MORC1: variants seen among roughly 807,000 people sequenced by gnomAD.
The protein encoded by MORC1 is MORC family CW-type zinc finger protein 1.
MORC1 carries 59 observed loss-of-function variants against 134.9 expected under a neutral mutation model. The observed-to-expected ratio is 0.44, with a 90% CI of 0.35 to 0.54. The LOEUF is 0.54. Ranked by LOEUF, MORC1 falls within the 20% of genes least tolerant of loss-of-function variation. The pLI is 0.00. For synonymous variants in MORC1, 395 were observed against 391.7 expected (o/e 1.01, Z -0.10); for missense variants, 947 against 1,134.5 (o/e 0.83, Z 2.37).
intron 20 of MORC1, among the ~76,000 whole-genome samples, chr3:109,003,516 T>C (rs1443969509): frequency 1.3e-5 from 2 of 152,086 alleles, no homozygotes; most frequent in Non-Finnish European, 2.9e-5. Context: ...ATGGACTGTA[T>C]GTTTTTAGAG....
chr3:109,037,568 T>C (rs1167450032), intron 14 of MORC1, among the ~76,000 whole-genome samples: 1 of 152,206 alleles, frequency 6.6e-6, no homozygotes, highest in African/African-American at 2.4e-5. Flanking sequence ...ATTAGGTATT[T>C]CTCCTAATAC....
intron 20 of MORC1, among the ~76,000 whole-genome samples, chr3:109,001,539 A>G (rs979161822): frequency 6.6e-6 from 1 of 152,212 alleles, no homozygotes; most frequent in Admixed American, 6.5e-5. Context: ...TGGCTTCTCA[A>G]CAGAATTTAG....
chr3:108,990,664 T>G (rs1948025899), intron 21 of MORC1, among the ~76,000 whole-genome samples: 1 of 152,104 alleles, frequency 6.6e-6, no homozygotes, highest in African/African-American at 2.4e-5. Context: ...ATCCCCCAAC[T>G]AGAATGGAAG....
chr3:109,033,797 T>C (rs1357887915), intron 15 of MORC1, among the ~76,000 whole-genome samples: 1 of 152,200 alleles, frequency 6.6e-6, no homozygotes, highest in African/African-American at 2.4e-5. Context: ...ACACTATCCT[T>C]AGCACTTAGT....
intron 11 of MORC1, among the ~76,000 whole-genome samples, chr3:109,060,549 G>A (rs2107682330): frequency 6.6e-6 from 1 of 152,006 alleles, no homozygotes; most frequent in South Asian, 2.1e-4. Context: ...TGAAAGGTGG[G>A]TATGTCTTTT....
At chr3:109,011,518 G>GTTTTTTTT (rs1224840111) in intron 17 of MORC1, among the ~76,000 whole-genome samples, 1 of 146,094 alleles carries the variant, frequency 6.8e-6, no homozygotes, top group African/African-American at 2.6e-5. Context: ...TTTGTGCTTT[G>GTTTTTTTT]TTTTTGTTTT....
intron 14 of MORC1, among the ~76,000 whole-genome samples, chr3:109,044,898 T>C (rs1382653543): frequency 2.1e-5 from 3 of 143,416 alleles, no homozygotes; most frequent in Non-Finnish European, 4.5e-5. Flanking sequence ...TGAGCGGAGA[T>C]CATGCCACTG....
chr3:109,068,564 T>C (rs375206924), intron 9 of MORC1, among the ~76,000 whole-genome samples: 20 of 152,338 alleles, frequency 1.3e-4, no homozygotes, highest in African/African-American at 4.3e-4. Context: ...TGAGTAGCAT[T>C]CCATTGTGTG....
intron 8 of MORC1, among the ~76,000 whole-genome samples, chr3:109,081,453 CTTTTT>C (rs34049870): frequency 4.6e-5 from 5 of 108,156 alleles, no homozygotes; most frequent in Admixed American, 2.0e-4. Flanking sequence ...AAGAATTAAA[CTTTTT>C]TTTTTTTTTT....
chr3:109,062,161 A>C, intron 10 of MORC1, 103 bp from the exon 11 acceptor site: 1 of 996,776 alleles, frequency 1.0e-6, no homozygotes, highest in South Asian at 1.3e-5. Context: ...AAAGGCATAC[A>C]GACCATGATC....
intron 7 of MORC1, 136 bp downstream of exon 7, chr3:109,094,773 A>T: frequency 1.2e-6 from 1 of 813,306 alleles, no homozygotes; most frequent in Non-Finnish European, 1.8e-6. Flanking sequence ...CATATGGATA[A>T]AATAAATGAC....
At chr3:109,067,460 C>T (rs554833400) in intron 9 of MORC1, among the ~76,000 whole-genome samples, 5 of 152,162 alleles carry the variant, frequency 3.3e-5, no homozygotes, top group Admixed American at 6.5e-5. Context: ...GCAATATACT[C>T]GAATGGGAAG....
rs1426903726 is a variant in MORC1 at position 109,093,545 on chromosome 3, G to C, written c.584-4C>G. The C allele has an allele frequency of 6.3e-7, 1 of 1,592,608 alleles. No individual in the cohort carries two copies. Among genetic ancestry groups the C allele is most frequent in the East Asian group, 2.2e-5 (1 of 44,718 alleles). On this transcript the variant is annotated splice_region_variant and splice_polypyrimidine_tract_variant and intron_variant, in intron 7 of 27. Transcript: ENST00000232603. ...TTATAAATAACCAGCAAAGTACCTG[G>C]TAGAAAAATAGATGTTTGACTTGTC...
chr3:108,962,378 G>A (rs1054804787), intron 27 of MORC1, among the ~76,000 whole-genome samples: 2 of 151,962 alleles, frequency 1.3e-5, no homozygotes, highest in Admixed American at 6.6e-5. Context: ...GGACTCCCAC[G>A]TTTAAATGTT....
chr3:108,964,232 C>T (rs1291267703), intron 26 of MORC1, among the ~76,000 whole-genome samples: 1 of 152,178 alleles, frequency 6.6e-6, no homozygotes, highest in Non-Finnish European at 1.5e-5. Flanking sequence ...GCCTGAGGCA[C>T]TCATGAAGCA....
chr3:108,990,053 T>G (rs1357894361), intron 21 of MORC1, among the ~76,000 whole-genome samples: 2 of 152,186 alleles, frequency 1.3e-5, no homozygotes, highest in South Asian at 2.1e-4. Flanking sequence ...CCCCTACACA[T>G]TCTCTCTTGC....
At chr3:108,971,475 G>A in intron 24 of MORC1, 73 bp from the exon 25 acceptor site, 1 of 1,328,632 alleles carries the variant, frequency 7.5e-7, no homozygotes, top group Non-Finnish European at 1.1e-6. Flanking sequence ...TCAGAACTGG[G>A]TTTGTCTCCT....
At chr3:108,982,644 G>A (rs1947766746) in intron 23 of MORC1, among the ~76,000 whole-genome samples, 1 of 151,036 alleles carries the variant, frequency 6.6e-6, no homozygotes, top group Non-Finnish European at 1.5e-5. Flanking sequence ...ACGAGTTAAT[G>A]GGTGCAGCAA....
At chr3:109,003,930 G>A (rs1948472071) in intron 20 of MORC1, among the ~76,000 whole-genome samples, 1 of 152,150 alleles carries the variant, frequency 6.6e-6, no homozygotes, top group South Asian at 2.1e-4. Flanking sequence ...TATACCATTT[G>A]CCGAATATAT....
Sources: gnomAD v4.1 joint callset for allele counts (sites outside exome capture counted in the v4.1 genomes callset) on GRCh38, gnomAD v4.1.1 for gene constraint, MANE v1.5 for transcripts, NCBI Gene and HGNC (gene_info 2026-07-23, HGNC 2026-07-21) for gene names.